Variants in KCNN3 observed in about 807,000 individuals in gnomAD.
KCNN3 encodes potassium calcium-activated channel subfamily N member 3, also known as small conductance calcium-activated potassium channel protein 3.
Under a neutral mutation model 62.9 loss-of-function variants are expected in KCNN3, and 16 were observed. That is an observed-to-expected ratio of 0.25 (90% CI 0.17 to 0.39). The LOEUF (loss-of-function observed/expected upper bound fraction) is 0.39, where lower values mean the gene tolerates loss of function less well. Among genes scored for constraint, KCNN3 ranks in the 10% least tolerant of loss-of-function variants. The pLI is 1.00. For synonymous variants in KCNN3, 370 were observed against 389.2 expected, an observed-to-expected ratio of 0.95 and a Z score of 0.58; for missense variants, 599 against 949.4, an observed-to-expected ratio of 0.63 and a Z score of 4.85.
intron 2 of KCNN3, among the ~76,000 whole-genome samples, chr1:154,819,257 T>TG (rs1314241590): frequency 6.6e-6 from 1 of 152,082 alleles, no homozygotes; most frequent in Non-Finnish European, 1.5e-5. Flanking sequence ...ATTACAAGAT[T>TG]GGGGGGCTAA....
In KCNN3 at chr1:154,796,810, C is replaced by T. The variant is rs1184170061; in HGVS notation, c.1030-24417G>A. On this transcript the variant is annotated intron_variant, in intron 2 of 7. Coordinates refer to ENST00000271915, the MANE Select transcript of KCNN3 (RefSeq NM_002249.6). ...AATAATGGGGCAGGCAATGAGGCAG[C>T]GCCCAGAGGATAAGACACATCTTTT... Among the ~76,000 whole-genome samples the T allele has an allele frequency of 3.3e-5, 5 of 152,202 alleles. No individual in the cohort carries two copies. The East Asian group carries it at 5.8e-4, about 18-fold the overall frequency.
At chr1:154,844,485 A>C (rs909148385) in intron 1 of KCNN3, among the ~76,000 whole-genome samples, 2 of 152,260 alleles carry the variant, frequency 1.3e-5, no homozygotes, top group Non-Finnish European at 2.9e-5. Flanking sequence ...ACATCCTGTC[A>C]GGCCTCTCAG....
chr1:154,812,444 T>C (rs1650451014), intron 2 of KCNN3, among the ~76,000 whole-genome samples: 1 of 151,688 alleles, frequency 6.6e-6, no homozygotes, highest in Non-Finnish European at 1.5e-5. Context: ...GTGTGTGATG[T>C]TCCCCTTCCT....
chr1:154,846,643 T>G (rs1455643906), intron 1 of KCNN3, among the ~76,000 whole-genome samples: 1 of 152,122 alleles, frequency 6.6e-6, no homozygotes, highest in Non-Finnish European at 1.5e-5. Context: ...TGCCATTGGG[T>G]GTCTGCAGCC....
chr1:154,714,605 GGTGTGTGGTGT>G lies in KCNN3; in HGVS notation c.1829+260_1829+270del, dbSNP rs1258531579. Among the ~76,000 whole-genome samples the G allele has an allele frequency of 5.4e-3, 141 of 26,096 alleles. 5 individuals are homozygous for G. Among genetic ancestry groups the G allele is most frequent in the South Asian group, 5.4e-3 (4 of 734 alleles). 17.1% of individuals were successfully genotyped at this position (26,096 alleles called of 152,430 possible). On this transcript the variant is annotated intron_variant, in intron 6 of 7. Coordinates refer to ENST00000271915, the MANE Select transcript of KCNN3 (RefSeq NM_002249.6). ...GGTGTGTATGGTGTGTGTGATGTGT[GGTGTGTGGTGT>G]GTGTGTGTGTGTGTGTGTGTGTGTG...
chr1:154,844,341 T>C (rs1218570), intron 1 of KCNN3, among the ~76,000 whole-genome samples: 149,200 of 152,362 alleles, frequency 0.98, 73,132 homozygotes, highest in East Asian at 1. Flanking sequence ...TCATTAGACA[T>C]GAAAACAGTC....
intron 1 of KCNN3, among the ~76,000 whole-genome samples, chr1:154,827,635 C>G (rs898043111): frequency 2.6e-5 from 4 of 152,052 alleles, no homozygotes; most frequent in African/African-American, 9.7e-5. Flanking sequence ...CCCATCTCTA[C>G]TAAAAATACA....
At chr1:154,852,822 T>C (rs1652358823) in intron 1 of KCNN3, among the ~76,000 whole-genome samples, 1 of 152,214 alleles carries the variant, frequency 6.6e-6, no homozygotes. Context: ...TCCCATTTCG[T>C]GTCCACCGGA....
chr1:154,774,687 A>G (rs921546025), intron 2 of KCNN3, among the ~76,000 whole-genome samples: 20 of 152,230 alleles, frequency 1.3e-4, no homozygotes, highest in Admixed American at 2.0e-4. Context: ...CATCCCACTC[A>G]AGACTCCAGC....
At chr1:154,778,008 C>A (rs957813715) in intron 2 of KCNN3, among the ~76,000 whole-genome samples, 4 of 152,342 alleles carry the variant, frequency 2.6e-5, no homozygotes, top group Non-Finnish European at 5.9e-5. Flanking sequence ...TGATTTCACT[C>A]ATTGAGGGTA....
At chr1:154,725,529 GCTTC>G (rs1246395513) in intron 5 of KCNN3, among the ~76,000 whole-genome samples, 1,492 of 102,202 alleles carry the variant, frequency 0.015, 35 homozygotes, top group African/African-American at 0.051. Context: ...ATGACCATTT[GCTTC>G]CTTCCTTCCT....
intron 2 of KCNN3, among the ~76,000 whole-genome samples, chr1:154,810,720 C>T (rs967796095): frequency 1.8e-4 from 27 of 152,218 alleles, no homozygotes; most frequent in African/African-American, 6.5e-4. Context: ...GTTGGACCAA[C>T]ACTGGGTTAC....
At chr1:154,715,455 A>T (rs1700214626) in intron 5 of KCNN3, among the ~76,000 whole-genome samples, 1 of 151,620 alleles carries the variant, frequency 6.6e-6, no homozygotes, top group Non-Finnish European at 1.5e-5. Context: ...AAAAAAGGAA[A>T]AAAAAAGGTG....
chr1:154,710,655 A>G (rs1571199392), intron 7 of KCNN3, among the ~76,000 whole-genome samples: 1 of 152,340 alleles, frequency 6.6e-6, no homozygotes, highest in East Asian at 1.9e-4. Context: ...CAGGCTTGAA[A>G]GTTTGGTTTG....
At chr1:154,833,324 C>T (rs1434956417) in intron 1 of KCNN3, among the ~76,000 whole-genome samples, 1 of 152,192 alleles carries the variant, frequency 6.6e-6, no homozygotes, top group Non-Finnish European at 1.5e-5. Flanking sequence ...GTGAGAAAAA[C>T]AACCGCCTGC....
rs371916177 is a variant in KCNN3 at position 154,869,284 on chromosome 1, G to A, written c.681C>T (p.Asn227=). 52 of 1,614,002 alleles carry A rather than the reference G, an allele frequency of 3.2e-5. No homozygotes were observed. The South Asian group carries it at 4.8e-4, about 15-fold the overall frequency. Residue 227 remains asparagine, a synonymous_variant, in exon 1 of 8, where the codon AAC becomes AAT. Coordinates refer to ENST00000271915, the MANE Select transcript of KCNN3 (RefSeq NM_002249.6). The surrounding 1 kb of genome is among the most constrained non-coding windows in gnomAD (Gnocchi z 6.1). ...GATGGAGCAGGGTCTGGTGGGCATG[G>A]TTGTCCTCCCGGGAGGAGATGACGA... is the stretch of plus-strand genomic sequence containing the variant. The part of the protein sequence containing the change: ...PEIVISSRED[N]HAHQTLLHHP...
At chr1:154,802,972 T>C (rs146348378) in intron 2 of KCNN3, among the ~76,000 whole-genome samples, 1,563 of 152,268 alleles carry the variant, frequency 0.01, 28 homozygotes, top group African/African-American at 0.036. Flanking sequence ...TGAGGGCCCT[T>C]TTCACGCCGT....
chr1:154,810,764 G>C lies in KCNN3; in HGVS notation c.1029+11325C>G, dbSNP rs77583351. 6.0e-3 allele frequency among the ~76,000 whole-genome samples: 913 copies of C among 152,316 alleles called. 9 individuals are homozygous for C. The highest frequency in any genetic ancestry group is 0.021 in the African/African-American group (879 of 41,560). On this transcript the variant is annotated intron_variant, in intron 2 of 7. Coordinates refer to ENST00000271915, the MANE Select transcript of KCNN3 (RefSeq NM_002249.6). ...CCTAGGCTTCCTAATATTCACCCTT[G>C]TTGGAGGGAAGTCCCCATGACTCAG...
At chr1:154,860,183 A>G (rs931984382) in intron 1 of KCNN3, among the ~76,000 whole-genome samples, 11 of 152,242 alleles carry the variant, frequency 7.2e-5, no homozygotes, top group African/African-American at 2.7e-4. Context: ...TTAGAATTCT[A>G]GGAAGCACCC....
Sources: allele counts gnomAD v4.1 joint callset (sites outside exome capture counted in the v4.1 genomes callset), GRCh38; gene constraint gnomAD v4.1.1; non-coding constraint Gnocchi (gnomAD v3.1); transcripts MANE v1.5; gene names NCBI Gene and HGNC (gene_info 2026-07-23, HGNC 2026-07-21).